APBB2: variants seen among roughly 807,000 people sequenced by gnomAD.
APBB2 encodes amyloid beta precursor protein binding family B member 2, also known as Fe65-like 1.
Under a neutral mutation model 82.5 loss-of-function variants are expected in APBB2, and 38 were observed. The ratio of observed to expected loss-of-function variants is 0.46; its 90% CI spans 0.36 to 0.60. The LOEUF (loss-of-function observed/expected upper bound fraction) is 0.60. Among genes scored for constraint, APBB2 ranks in the 20% least tolerant of loss-of-function variants. The pLI is 0.00. For missense variants in APBB2, 772 were observed against 972.3 expected (o/e 0.79, Z 2.74); for synonymous variants, 341 against 368.2 (o/e 0.93, Z 0.85).
At chr4:40,875,310 G>A (rs1766605305) in intron 12 of APBB2, among the ~76,000 whole-genome samples, 1 of 152,150 alleles carries the variant, frequency 6.6e-6, no homozygotes, top group Non-Finnish European at 1.5e-5. Flanking sequence ...GACAAAAGGA[G>A]GACAGTGTGT....
intron 6 of APBB2, among the ~76,000 whole-genome samples, chr4:40,973,025 C>T (rs1256161678): frequency 6.6e-6 from 1 of 152,202 alleles, no homozygotes; most frequent in African/African-American, 2.4e-5. Flanking sequence ...CTGTCTTACA[C>T]ATTAGATTCT....
Position 40,960,446 on chromosome 4 carries a change from G to GTTTTTTTTT in APBB2, c.836-15374_836-15373insAAAAAAAAA, listed in dbSNP as rs371607683. ...CATCAAAAACAGAAATTTTTTTTCGGGTTTTTTTTTTTTTTTTTTGAGACG... is the reference window on the plus strand; with the variant it reads ...CATCAAAAACAGAAATTTTTTTTCGGTTTTTTTTTGTTTTTTTTTTTTTTTTTTGAGACG... On this transcript the variant is annotated intron_variant, in intron 6 of 17. Coordinates refer to ENST00000508593, the MANE Select transcript of APBB2 (RefSeq NM_004307.2). Among the ~76,000 whole-genome samples, 12 of 120,544 alleles carry GTTTTTTTTT rather than the reference G, an allele frequency of 1.0e-4. 6 individuals carry two copies. Among genetic ancestry groups the GTTTTTTTTT allele is most frequent in the Non-Finnish European group, 1.3e-4 (8 of 60,078 alleles). 79.1% of individuals were successfully genotyped at this position (120,544 alleles called of 152,430 possible).
intron 1 of APBB2, among the ~76,000 whole-genome samples, chr4:41,151,770 C>T (rs1762336519): frequency 7.4e-6 from 1 of 135,336 alleles, no homozygotes; most frequent in Admixed American, 7.4e-5. Context: ...TAAACATGGT[C>T]TTCTTTTTTT....
chr4:41,058,000 T>C (rs1052107353), intron 4 of APBB2, among the ~76,000 whole-genome samples: 2 of 152,136 alleles, frequency 1.3e-5, no homozygotes, highest in African/African-American at 4.8e-5. Context: ...CCTAATCCTC[T>C]TCATGTGGAG....
At chr4:41,058,417 GA>G (rs1728585619) in intron 4 of APBB2, among the ~76,000 whole-genome samples, 1 of 152,100 alleles carries the variant, frequency 6.6e-6, no homozygotes, top group Admixed American at 6.5e-5. Flanking sequence ...TCAACATCAA[GA>G]TGTAAGATTA....
Position 40,851,732 on chromosome 4 carries a change from A to AT in APBB2, c.1530-21156dup, listed in dbSNP as rs1176193029. ...ATTTTCTATGCATATATATATATAT[A>AT]TATATATTTTTTTTTTTTTTTTTTT... On this transcript the variant is annotated intron_variant, in intron 12 of 17. Transcript: ENST00000508593. 8.3e-3 allele frequency among the ~76,000 whole-genome samples: 271 copies of AT among 32,682 alleles called. 4 individuals are homozygous for AT. Among genetic ancestry groups the AT allele is most frequent in the African/African-American group, 0.032 (264 of 8,286 alleles). 21.4% of individuals were successfully genotyped at this position (32,682 alleles called of 152,430 possible).
chr4:40,922,409 G>A (rs904485813), intron 10 of APBB2, among the ~76,000 whole-genome samples: 1 of 152,192 alleles, frequency 6.6e-6, no homozygotes, highest in Non-Finnish European at 1.5e-5. Context: ...CACTCTTGGT[G>A]TCAGTTTAGA....
At chr4:40,824,465 C>T (rs1749161555) in intron 15 of APBB2, among the ~76,000 whole-genome samples, 1 of 152,142 alleles carries the variant, frequency 6.6e-6, no homozygotes, top group South Asian at 2.1e-4. Flanking sequence ...GATTTTAGTA[C>T]ATTCACAGAG....
At chr4:40,895,402 T>C (rs1228296341) in intron 10 of APBB2, among the ~76,000 whole-genome samples, 1 of 152,204 alleles carries the variant, frequency 6.6e-6, no homozygotes, top group African/African-American at 2.4e-5. Context: ...GTTCTGCACA[T>C]GTATACACAC....
chr4:40,977,829 CAA>C (rs973096046), intron 6 of APBB2, among the ~76,000 whole-genome samples: 4 of 152,110 alleles, frequency 2.6e-5, no homozygotes, highest in Admixed American at 2.6e-4. Context: ...GCTGTCACCT[CAA>C]AGAGCCTTAG....
chr4:41,192,932 G>T (rs1774891017), intron 1 of APBB2, among the ~76,000 whole-genome samples: 1 of 152,110 alleles, frequency 6.6e-6, no homozygotes, highest in South Asian at 2.1e-4. Context: ...AAAGAAGAGG[G>T]TTCTCACCAA....
chr4:40,944,106 G>A (rs774761099), intron 7 of APBB2, among the ~76,000 whole-genome samples: 1 of 152,224 alleles, frequency 6.6e-6, no homozygotes, highest in Non-Finnish European at 1.5e-5. Context: ...CAAGGACTGT[G>A]GTCAGAAAGG....
rs761394602 is a variant in APBB2 at position 40,823,735 on chromosome 4, A to G, written c.1841T>C (p.Ile614Thr). The change falls in exon 16 of 18, where the codon ATA (isoleucine) becomes ACA (threonine). Residue 614 changes from isoleucine (I) to threonine (T), a missense_variant. Physicochemically the swap from Ile to Thr is moderately conservative, Grantham distance 89 (BLOSUM62 -1). Coordinates refer to ENST00000508593, the MANE Select transcript of APBB2 (RefSeq NM_004307.2). ...PVGMDILNSA[I>T]ENLMTSSNKE... ...GTTGGATGAGGTCATAAGATTTTCT[A>G]TGGCACTGTTCAAAATATCCATTCC... is the stretch of plus-strand genomic sequence containing the variant. The G allele has an allele frequency of 1.9e-5, 31 of 1,613,592 alleles. No homozygotes were observed. The highest frequency in any genetic ancestry group is 1.1e-5 in the South Asian group (1 of 91,086).
intron 6 of APBB2, among the ~76,000 whole-genome samples, chr4:40,963,295 G>A (rs191148228): frequency 3.7e-4 from 56 of 151,728 alleles, no homozygotes; most frequent in East Asian, 2.1e-3. Context: ...TGCCCAGGCC[G>A]GTGGGCAGTG....
At chr4:40,944,416 G>A (rs1787821084) in intron 7 of APBB2, among the ~76,000 whole-genome samples, 1 of 152,170 alleles carries the variant, frequency 6.6e-6, no homozygotes, top group African/African-American at 2.4e-5. Flanking sequence ...GGCTCTCAGG[G>A]TTATTCTTGC....
intron 6 of APBB2, among the ~76,000 whole-genome samples, chr4:40,979,990 C>T (rs1016135049): frequency 6.6e-6 from 1 of 152,166 alleles, no homozygotes; most frequent in Non-Finnish European, 1.5e-5. Flanking sequence ...TGGAACAAAA[C>T]CAGGAACTAC....
At chr4:40,942,508 C>G (rs1787280080) in intron 7 of APBB2, among the ~76,000 whole-genome samples, 1 of 152,168 alleles carries the variant, frequency 6.6e-6, no homozygotes, top group Non-Finnish European at 1.5e-5. Flanking sequence ...TACCTCTTTC[C>G]TTAAATGGAG....
intron 1 of APBB2, among the ~76,000 whole-genome samples, chr4:41,145,076 C>T (rs955735677): frequency 5.3e-5 from 8 of 152,212 alleles, no homozygotes; most frequent in African/African-American, 1.9e-4. Context: ...GCCATGTTCA[C>T]GTCACTATAC....
At chr4:40,817,432 C>T (rs572997512) in intron 17 of APBB2, among the ~76,000 whole-genome samples, 1 of 152,018 alleles carries the variant, frequency 6.6e-6, no homozygotes, top group South Asian at 2.1e-4. Context: ...AAAAAAAATA[C>T]AGCTGATCTT....
Sources: allele counts gnomAD v4.1 joint callset (sites outside exome capture counted in the v4.1 genomes callset), GRCh38; gene constraint gnomAD v4.1.1; transcripts MANE v1.5; gene names NCBI Gene and HGNC (gene_info 2026-07-23, HGNC 2026-07-21).